DVL3: variants seen among roughly 807,000 people sequenced by gnomAD.
The protein encoded by DVL3 is segment polarity protein dishevelled homolog DVL-3.
Under a neutral mutation model 67.4 loss-of-function variants are expected in DVL3, and 27 were observed. The ratio of observed to expected loss-of-function variants is 0.40; its 90% confidence interval spans 0.30 to 0.55. The LOEUF (loss-of-function observed/expected upper bound fraction) is 0.55, where lower values mean the gene tolerates loss of function less well. Among genes scored for constraint, DVL3 ranks in the 20% least tolerant of loss-of-function variants. The probability of loss-of-function intolerance (pLI) is 0.46; values close to 1 mark genes in which losing one functional copy is unlikely to be tolerated. For synonymous variants in DVL3, 369 were observed against 396.8 expected, an observed-to-expected ratio of 0.93 and a Z score of 0.83; for missense variants, 819 against 1,021.5, an observed-to-expected ratio of 0.80 and a Z score of 2.70.
In DVL3 at chr3:184,164,349, G is replaced by T. The variant is rs1049906925; in HGVS notation, c.314G>T (p.Arg105Leu). The T allele has an allele frequency of 3.1e-6, 5 of 1,613,912 alleles. No individual in the cohort carries two copies. In the African/African-American group the frequency reaches 5.3e-5, roughly 17 times the overall value. ...TCGGAGCTGCCACCACCTATGGAGC[G>T]CACGGGAGGCATCGGGGACTCCCGA... is the stretch of plus-strand genomic sequence containing the variant. Reference protein sequence around the residue: ...NPSELPPPMERTGGIGDSRPP... With the variant: ...NPSELPPPMELTGGIGDSRPP... The change falls in exon 3 of 15, where the codon CGC (arginine) becomes CTC (leucine). Residue 105 changes from arginine to leucine, a missense_variant. Transcript: ENST00000313143. The surrounding 1 kb of genome is among the most constrained non-coding windows in gnomAD (Gnocchi z 5.3).
At chr3:184,156,910 G>A (rs1361579204) in intron 1 of DVL3, 1 of 167,436 alleles carries the variant, frequency 6.0e-6, no homozygotes. Flanking sequence ...ACAGCCAAGA[G>A]GAGACATTCT....
intron 1 of DVL3, chr3:184,156,433 T>G: frequency 2.2e-6 from 1 of 456,688 alleles, no homozygotes; most frequent in Non-Finnish European, 4.4e-6. Context: ...TGCGGAGTAG[T>G]CCTCACTGAC....
chr3:184,160,457 C>A (rs2109019158), intron 1 of DVL3, among the ~76,000 whole-genome samples: 1 of 152,236 alleles, frequency 6.6e-6, no homozygotes, highest in Non-Finnish European at 1.5e-5. Context: ...AATTAAGAAA[C>A]TTCTCTAAGA....
At position 184,170,357 on chromosome 3, in the gene DVL3, C is replaced by T. The variant is rs761071223; in HGVS notation, c.1753C>T (p.Arg585Trp). 2 of 1,605,372 alleles carry T rather than the reference C, an allele frequency of 1.2e-6. No homozygotes were observed. Among genetic ancestry groups the T allele is most frequent in the Non-Finnish European group, 1.7e-6 (2 of 1,176,324 alleles). ...TGGCTCCAACCGTAGCGGCAGCGATCGGAGGAAGGAGAAGGACCCGAAGGC... is the reference window on the plus strand; with the variant it reads ...TGGCTCCAACCGTAGCGGCAGCGATTGGAGGAAGGAGAAGGACCCGAAGGC... ...SSGSNRSGSD[R>W]RKEKDPKAGD... Residue 585 changes from arginine (R) to tryptophan (W), a missense_variant, in exon 15 of 15, where the codon CGG (arginine) becomes TGG (tryptophan). This residue lies in a region of DVL3 where 324 missense variants were observed against 331.3 expected (regional missense o/e 0.98). Transcript: ENST00000313143. This position sits in a 1 kb window ranked among gnomAD's most constrained non-coding sequence, Gnocchi z 6.5.
chr3:184,158,713 C>T (rs922395424), intron 1 of DVL3, among the ~76,000 whole-genome samples: 1 of 152,120 alleles, frequency 6.6e-6, no homozygotes, highest in Non-Finnish European at 1.5e-5. Flanking sequence ...TCCTCAAGTC[C>T]CATCTGGTCT....
chr3:184,170,102 G>A lies in DVL3; in HGVS notation c.1595G>A (p.Trp532Ter). ...TTGCCGCACCCGGGGGCCGCCCCTT[G>A]GCCCATGGCTTTCCCGTACCAGTAC... is the stretch of plus-strand genomic sequence containing the variant. Reference protein sequence around the residue: ...APLPHPGAAPWPMAFPYQYPP... With the variant: ...APLPHPGAAP Residue 532 changes from tryptophan (W) to a stop codon, truncating the protein, a stop_gained, in exon 14 of 15, where the codon TGG (tryptophan) becomes TAG (stop). Transcript: ENST00000313143. LOFTEE classifies it high-confidence loss of function. The surrounding 1 kb of genome is among the most constrained non-coding windows in gnomAD (Gnocchi z 6.5). 6.2e-7 allele frequency: 1 copy of A among 1,613,926 alleles called. No homozygotes were observed. Among genetic ancestry groups the A allele is most frequent in the Non-Finnish European group, 8.5e-7 (1 of 1,179,948 alleles).
intron 13 of DVL3, among the ~76,000 whole-genome samples, chr3:184,169,685 C>G (rs1303823536): frequency 6.6e-6 from 1 of 152,206 alleles, no homozygotes; most frequent in African/African-American, 2.4e-5. Context: ...AAGACTCCGT[C>G]TCAAAGAGTT....
At chr3:184,158,462 A>G (rs1714271562) in intron 1 of DVL3, among the ~76,000 whole-genome samples, 1 of 152,216 alleles carries the variant, frequency 6.6e-6, no homozygotes, top group Non-Finnish European at 1.5e-5. Context: ...CTAAATCCTT[A>G]ATCGCACAAT....
rs1489976694 is a variant in DVL3, at chr3:184,164,875, C to T, written c.543C>T (p.Ser181=). The change falls in exon 5 of 15, where the codon AGC becomes AGT. Residue 181 remains serine (S), a synonymous_variant. Coordinates refer to ENST00000313143, the MANE Select transcript of DVL3 (RefSeq NM_004423.4). This position sits in a 1 kb window ranked among gnomAD's most constrained non-coding sequence, Gnocchi z 5.3. ...GGYDSSSTLM[S]SELETTSFFD... Reference sequence around the variant, plus strand: ...ATGATAGCTCATCCACCCTTATGAGCAGTGAGCTGGAGACCACCAGCTTCT... The same window carrying T: ...ATGATAGCTCATCCACCCTTATGAGTAGTGAGCTGGAGACCACCAGCTTCT... 1.9e-6 allele frequency: 3 copies of T among 1,614,220 alleles called. No individual in the cohort carries two copies. Among genetic ancestry groups the T allele is most frequent in the East Asian group, 2.2e-5 (1 of 44,874 alleles).
At chr3:184,158,392 C>T (rs1204437556) in intron 1 of DVL3, among the ~76,000 whole-genome samples, 1 of 151,786 alleles carries the variant, frequency 6.6e-6, no homozygotes, top group East Asian at 1.9e-4. Context: ...CCTAAGGTCA[C>T]ACAGCTAATA....
At position 184,165,466 on chromosome 3, in the gene DVL3, C is replaced by T. The variant is rs146995023; in HGVS notation, c.738C>T (p.Asn246=). ...SSITDSTMSL[N]IITVTLNMEK... is the part of the protein sequence containing the mutation. Reference sequence around the variant, plus strand: ...TCACGGACTCCACCATGTCACTCAACATCATCACGGTCACTCTCAACATGG... The same window carrying T: ...TCACGGACTCCACCATGTCACTCAATATCATCACGGTCACTCTCAACATGG... Residue 246 remains asparagine (N), a synonymous_variant, in exon 7 of 15, where the codon AAC becomes AAT. Coordinates refer to ENST00000313143, the MANE Select transcript of DVL3 (RefSeq NM_004423.4). This position sits in a 1 kb window ranked among gnomAD's most constrained non-coding sequence, Gnocchi z 4.1. The T allele has an allele frequency of 8.5e-5, 137 of 1,614,034 alleles. No individual in the cohort carries two copies. In the Middle Eastern group the frequency reaches 3.0e-3, roughly 35 times the overall value.
chr3:184,170,667 C>T lies in DVL3; in HGVS notation c.2063C>T (p.Ala688Val). The T allele has an allele frequency of 6.2e-7, 1 of 1,613,318 alleles. No individual in the cohort carries two copies. Among genetic ancestry groups the T allele is most frequent in the Non-Finnish European group, 8.5e-7 (1 of 1,179,674 alleles). The change falls in exon 15 of 15, where the codon GCC becomes GTC. Residue 688 changes from alanine (A) to valine (V), a missense_variant. Ala to Val is a moderately conservative substitution (Grantham distance 64, BLOSUM62 0). This residue lies in a region of DVL3 where 324 missense variants were observed against 331.3 expected (regional missense o/e 0.98). Transcript: ENST00000313143. The surrounding 1 kb of genome is among the most constrained non-coding windows in gnomAD (Gnocchi z 6.5). ...PPGAPPGRDL[A>V]SVPPELTASR... The stretch of plus-strand genomic sequence containing the variant: ...GGAGCCCCTCCGGGCCGCGACCTGG[C>T]CTCAGTGCCCCCGGAACTGACCGCC...
chr3:184,169,919 C>G, intron 13 of DVL3, 87 bp from the exon 14 acceptor site: 1 of 1,218,618 alleles, frequency 8.2e-7, no homozygotes, highest in East Asian at 2.4e-5. Flanking sequence ...GAAACTACCA[C>G]GGTCTCTCTC....
In DVL3 at chr3:184,164,310, G is replaced by C; in HGVS notation, c.275G>C (p.Cys92Ser). The change falls in exon 3 of 15, where the codon TGT (cysteine) becomes TCT (serine). Residue 92 changes from cysteine (C) to serine (S), a missense_variant. By Grantham distance (112) the Cys-to-Ser change is moderately radical. Around this residue, in one of 3 missense-constraint regions of DVL3, gnomAD observed 385 missense variants for 486.8 expected, o/e 0.79. Transcript: ENST00000313143. This position sits in a 1 kb window ranked among gnomAD's most constrained non-coding sequence, Gnocchi z 5.3. Reference sequence around the variant, plus strand: ...TCACACCCAGACCCAGCCCCCTTCTGTGCTGATAACCCATCGGAGCTGCCA... The same window carrying C: ...TCACACCCAGACCCAGCCCCCTTCTCTGCTGATAACCCATCGGAGCTGCCA... ...EGSHPDPAPF[C>S]ADNPSELPPP... is the part of the protein sequence containing the mutation. 1 of 1,614,122 alleles carries C rather than the reference G, an allele frequency of 6.2e-7. No homozygotes were observed. Among genetic ancestry groups the C allele is most frequent in the Non-Finnish European group, 8.5e-7 (1 of 1,180,010 alleles).
intron 13 of DVL3, among the ~76,000 whole-genome samples, chr3:184,168,904 G>T (rs1386223709): frequency 1.3e-5 from 2 of 152,122 alleles, no homozygotes; most frequent in African/African-American, 4.8e-5. Flanking sequence ...CCAGGATCGT[G>T]AGATGAGTAA....
intron 1 of DVL3, among the ~76,000 whole-genome samples, chr3:184,158,736 G>A (rs1448937761): frequency 6.6e-6 from 1 of 151,418 alleles, no homozygotes; most frequent in Middle Eastern, 3.5e-3. Flanking sequence ...AAAAGTATTT[G>A]TCAAGCTCAG....
At chr3:184,162,560 C>CTTTTTTTTTTTTTTT (rs35869796) in intron 1 of DVL3, among the ~76,000 whole-genome samples, 1 of 123,544 alleles carries the variant, frequency 8.1e-6, no homozygotes, top group Non-Finnish European at 1.6e-5. Context: ...TTTTTCTTTT[C>CTTTTTTTTTTTTTTT]TTTTTTTTTT....
intron 1 of DVL3, chr3:184,156,850 C>T (rs981207804): frequency 7.8e-6 from 2 of 256,864 alleles, no homozygotes; most frequent in African/African-American, 4.5e-5. Context: ...TGAAGGCTGC[C>T]TCTCCAGCCC....
At position 184,166,942 on chromosome 3, in the gene DVL3, T is replaced by A; in HGVS notation, c.1165T>A (p.Ser389Thr). 1 of 1,613,858 alleles carries A rather than the reference T, an allele frequency of 6.2e-7. No individual in the cohort carries two copies. Among genetic ancestry groups the A allele is most frequent in the Non-Finnish European group, 8.5e-7 (1 of 1,179,968 alleles). ...CCTGAGCACCATCACCTCCACCAGC[T>A]CCTCCATCACCAGTTCCATCCCTGA... ...PSLSTITSTS[S>T]SITSSIPDTE... The change falls in exon 11 of 15, where the codon TCC becomes ACC. Residue 389 changes from serine (S) to threonine (T), a missense_variant. Ser to Thr is a moderately conservative substitution (Grantham distance 58). Transcript: ENST00000313143. This position sits in a 1 kb window ranked among gnomAD's most constrained non-coding sequence, Gnocchi z 6.7.
Sources: gnomAD v4.1 joint callset for allele counts (sites outside exome capture counted in the v4.1 genomes callset) on GRCh38, gnomAD v4.1.1 for gene constraint, gnomAD v4.1.1 regional missense constraint, Gnocchi (gnomAD v3.1) non-coding constraint, MANE v1.5 for transcripts, NCBI Gene and HGNC (gene_info 2026-07-23, HGNC 2026-07-21) for gene names.